EPB41L5: variants seen among roughly 807,000 people sequenced by gnomAD.
EPB41L5 encodes erythrocyte membrane protein band 4.1 like 5.
EPB41L5 carries 55 observed loss-of-function variants against 106.6 expected under a neutral mutation model. The ratio of observed to expected loss-of-function variants is 0.52; its 90% CI spans 0.42 to 0.65. The LOEUF (loss-of-function observed/expected upper bound fraction) is 0.65. EPB41L5 is among the 30% of genes least tolerant of loss of function. EPB41L5 has a pLI of 0.00. For missense variants in EPB41L5, 871 were observed against 882.1 expected, an observed-to-expected ratio of 0.99 and a Z score of 0.16; for synonymous variants, 297 against 306.7, an observed-to-expected ratio of 0.97 and a Z score of 0.33.
intron 16 of EPB41L5, among the ~76,000 whole-genome samples, chr2:120,107,326 G>T (rs1684510230): frequency 6.6e-6 from 1 of 152,092 alleles, no homozygotes; most frequent in African/African-American, 2.4e-5. Flanking sequence ...ATATTGGTTT[G>T]AAAATATTAC....
At chr2:120,039,267 A>G (rs1387475559) in intron 2 of EPB41L5, among the ~76,000 whole-genome samples, 4 of 152,212 alleles carry the variant, frequency 2.6e-5, no homozygotes, top group African/African-American at 9.6e-5. Flanking sequence ...AGAAGTTACT[A>G]GGGGTAATGG....
At position 120,146,326 on chromosome 2, in the gene EPB41L5, TTATC is replaced by T. The variant is rs761329141; in HGVS notation, c.1793+43_1793+46del. ...GGTAGACTGAATTAAATTGATGTTCTTATCTATCTTTGTCTTTTTTTTCTTCTCA... is the reference window on the plus strand; with the variant it reads ...GGTAGACTGAATTAAATTGATGTTCTTATCTTTGTCTTTTTTTTCTTCTCA... On this transcript the variant is annotated intron_variant, in intron 20 of 24. Coordinates refer to ENST00000263713, the MANE Select transcript of EPB41L5 (RefSeq NM_020909.4). The T allele has an allele frequency of 3.4e-6, 5 of 1,458,544 alleles. No homozygotes were observed. The Admixed American group carries it at 7.2e-5, about 21-fold the overall frequency. The allele number at this position is 1,458,544 out of a possible 1,614,324, so 90.4% of individuals were successfully genotyped here. A position where few individuals can be genotyped will look rare whatever the true frequency, so the allele number is the denominator to read the frequency against.
intron 16 of EPB41L5, among the ~76,000 whole-genome samples, chr2:120,122,079 T>A (rs1391329150): frequency 6.6e-6 from 1 of 152,226 alleles, no homozygotes; most frequent in Admixed American, 6.5e-5. Flanking sequence ...ATATTAGCCC[T>A]TTGTCAGATG....
At chr2:120,065,666 G>A (rs1681398391) in intron 3 of EPB41L5, among the ~76,000 whole-genome samples, 1 of 151,830 alleles carries the variant, frequency 6.6e-6, no homozygotes, top group Admixed American at 6.6e-5. Context: ...ACAGGCGCCT[G>A]CCACCACGCC....
At chr2:120,136,501 G>A (rs1373619218) in intron 18 of EPB41L5, among the ~76,000 whole-genome samples, 1 of 148,322 alleles carries the variant, frequency 6.7e-6, no homozygotes, top group Non-Finnish European at 1.5e-5. Context: ...ATGATCAGCT[G>A]CCTACAAGAT....
intron 2 of EPB41L5, among the ~76,000 whole-genome samples, chr2:120,032,313 G>A (rs1312645921): frequency 1.3e-5 from 2 of 152,188 alleles, no homozygotes; most frequent in Non-Finnish European, 2.9e-5. Flanking sequence ...GGAAGATGGA[G>A]GTTGCAGTGA....
At chr2:120,107,344 A>AT (rs916885768) in intron 16 of EPB41L5, among the ~76,000 whole-genome samples, 1 of 152,126 alleles carries the variant, frequency 6.6e-6, no homozygotes, top group Admixed American at 6.6e-5. Context: ...TACAGTTACT[A>AT]TTTTTTATGA....
intron 20 of EPB41L5, among the ~76,000 whole-genome samples, chr2:120,149,145 A>G (rs952047112): frequency 2.6e-5 from 4 of 151,778 alleles, no homozygotes; most frequent in South Asian, 4.1e-4. Context: ...GTGTATGTCT[A>G]TTTGGAGAAA....
chr2:120,013,883 G>C (rs534061798), intron 1 of EPB41L5, among the ~76,000 whole-genome samples: 2 of 152,298 alleles, frequency 1.3e-5, no homozygotes, highest in East Asian at 3.9e-4. Flanking sequence ...GAATTACGGG[G>C]AAAATTCCCA....
chr2:120,175,236 A>G lies in EPB41L5; in HGVS notation c.*329A>G. ...CTAGCGGTTCTATTTGTTCATAACA[A>G]CTTCATAACAAGCCTGCCTCTGGTA... On this transcript the variant is annotated 3_prime_UTR_variant, in exon 25 of 25. Transcript: ENST00000263713. The G allele has an allele frequency of 4.0e-6, 1 of 249,766 alleles. No individual in the cohort carries two copies. The highest frequency in any genetic ancestry group is 6.4e-5 in the South Asian group (1 of 15,678). 15.5% of individuals were successfully genotyped at this position (249,766 alleles called of 1,614,324 possible).
intron 20 of EPB41L5, among the ~76,000 whole-genome samples, chr2:120,159,057 G>T (rs1687020932): frequency 6.6e-6 from 1 of 152,022 alleles, no homozygotes; most frequent in South Asian, 2.1e-4. Context: ...TCTCTACAAG[G>T]ATAACTACAA....
chr2:120,150,768 C>T (rs1686636473), intron 20 of EPB41L5, among the ~76,000 whole-genome samples: 2 of 152,106 alleles, frequency 1.3e-5, no homozygotes, highest in African/African-American at 4.8e-5. Context: ...ATACTAGACT[C>T]TTACCGAATA....
At chr2:120,174,232 G>C (rs1411521925) in intron 24 of EPB41L5, among the ~76,000 whole-genome samples, 1 of 152,204 alleles carries the variant, frequency 6.6e-6, no homozygotes, top group Non-Finnish European at 1.5e-5. Flanking sequence ...GAGGAGGGCA[G>C]ATGGCTTGAG....
intron 16 of EPB41L5, among the ~76,000 whole-genome samples, chr2:120,118,954 C>A (rs998549895): frequency 6.6e-6 from 1 of 152,236 alleles, no homozygotes; most frequent in South Asian, 2.1e-4. Context: ...TTCCCACCAA[C>A]AGTGTAAAAC....
intron 21 of EPB41L5, among the ~76,000 whole-genome samples, chr2:120,163,061 G>T (rs546756718): frequency 6.6e-6 from 1 of 152,128 alleles, no homozygotes; most frequent in Non-Finnish European, 1.5e-5. Flanking sequence ...AGATGAGACT[G>T]GGCAACATAG....
intron 3 of EPB41L5, among the ~76,000 whole-genome samples, chr2:120,061,106 T>C (rs1440503838): frequency 6.9e-6 from 1 of 144,472 alleles, no homozygotes; most frequent in Non-Finnish European, 1.5e-5. Context: ...AGTGGTGTGA[T>C]CTCAGCTTAC....
In EPB41L5 at chr2:120,106,115, A is replaced by T. The variant is rs1286503762; in HGVS notation, c.1337+5301A>T. On this transcript the variant is annotated intron_variant, in intron 16 of 24. Coordinates refer to ENST00000263713, the MANE Select transcript of EPB41L5 (RefSeq NM_020909.4). ...CATTTCTGTATTTATAATTTGAGTTAATCAGTACTGTTACATTTAAGGGAA... is the reference window on the plus strand; with the variant it reads ...CATTTCTGTATTTATAATTTGAGTTTATCAGTACTGTTACATTTAAGGGAA... 4.1e-6 allele frequency: 4 copies of T among 985,044 alleles called. No individual in the cohort carries two copies. The African/African-American group carries it at 7.0e-5, about 17-fold the overall frequency. 61.0% of individuals were successfully genotyped at this position (985,044 alleles called of 1,614,324 possible).
intron 16 of EPB41L5, among the ~76,000 whole-genome samples, chr2:120,113,585 A>C (rs954581493): frequency 1.3e-5 from 2 of 152,252 alleles, no homozygotes; most frequent in African/African-American, 4.8e-5. Flanking sequence ...TTATTCACAA[A>C]GGTGTACAAC....
At chr2:120,031,450 A>C (rs1273334115) in intron 2 of EPB41L5, among the ~76,000 whole-genome samples, 1 of 152,214 alleles carries the variant, frequency 6.6e-6, no homozygotes, top group Non-Finnish European at 1.5e-5. Flanking sequence ...AGGTGGGGAT[A>C]AAGAACATGA....
Sources: allele counts gnomAD v4.1 joint callset (sites outside exome capture counted in the v4.1 genomes callset), GRCh38; gene constraint gnomAD v4.1.1; transcripts MANE v1.5; gene names NCBI Gene and HGNC (gene_info 2026-07-23, HGNC 2026-07-21).